CLASRP: variants seen among roughly 807,000 people sequenced by gnomAD.
The protein encoded by CLASRP is CLK4 associating serine/arginine rich protein.
Under a neutral mutation model 99.9 loss-of-function variants are expected in CLASRP, and 52 were observed. The ratio of observed to expected loss-of-function variants is 0.52; its 90% CI spans 0.42 to 0.66. The LOEUF (loss-of-function observed/expected upper bound fraction) is 0.66, where lower values mean the gene tolerates loss of function less well. CLASRP is among the 30% of genes least tolerant of loss of function. CLASRP has a pLI of 0.00. For missense variants in CLASRP, 848 were observed against 999.2 expected, an observed-to-expected ratio of 0.85 and a Z score of 2.04; for synonymous variants, 379 against 373.0, an observed-to-expected ratio of 1.02 and a Z score of -0.18.
At chr19:45,053,459 C>G (rs1330529966) in intron 5 of CLASRP, among the ~76,000 whole-genome samples, 1 of 152,078 alleles carries the variant, frequency 6.6e-6, no homozygotes, top group African/African-American at 2.4e-5. Flanking sequence ...GAGAAAATAG[C>G]AAGAATATGT....
chr19:45,068,989 CAAA>C (rs376538298), intron 16 of CLASRP, 74 bp from the exon 17 acceptor site: 1,803 of 1,067,754 alleles, frequency 1.7e-3, no homozygotes, highest in Non-Finnish European at 2.0e-3. Flanking sequence ...GACTCTGTCT[CAAA>C]AAAAAAAAAA....
intron 6 of CLASRP, 74 bp downstream of exon 6, chr19:45,056,608 C>G (rs1402017186): frequency 8.5e-7 from 1 of 1,182,390 alleles, no homozygotes; most frequent in Non-Finnish European, 1.3e-6. Context: ...ATGGCCTCTT[C>G]CATCCTGTCC....
intron 3 of CLASRP, 21 bp downstream of exon 3, chr19:45,052,189 A>G (rs1972036960): frequency 1.2e-6 from 2 of 1,606,010 alleles, no homozygotes; most frequent in Non-Finnish European, 1.7e-6. Context: ...TATGGAAGGC[A>G]GGGGAGTGTC....
At chr19:45,046,318 C>G (rs1568411675) in intron 2 of CLASRP, among the ~76,000 whole-genome samples, 1 of 152,160 alleles carries the variant, frequency 6.6e-6, no homozygotes, top group Non-Finnish European at 1.5e-5. Flanking sequence ...GTCTTCAGTC[C>G]CAAGCAGACT....
intron 5 of CLASRP, among the ~76,000 whole-genome samples, chr19:45,053,501 G>A (rs186973171): frequency 3.7e-4 from 56 of 152,084 alleles, no homozygotes; most frequent in African/African-American, 1.3e-3. Context: ...TATTTGAGGC[G>A]GAGTTTCGTT....
At chr19:45,048,636 T>C (rs2122544685) in intron 2 of CLASRP, among the ~76,000 whole-genome samples, 1 of 151,794 alleles carries the variant, frequency 6.6e-6, no homozygotes, top group South Asian at 2.1e-4. Context: ...ATTCCTAATG[T>C]CAGGCAGGTG....
At chr19:45,057,307 C>G (rs1310955792) in intron 6 of CLASRP, among the ~76,000 whole-genome samples, 1 of 152,174 alleles carries the variant, frequency 6.6e-6, no homozygotes, top group Non-Finnish European at 1.5e-5. Context: ...TCCCATGGGA[C>G]TGTACTGGGA....
At chr19:45,040,481 TTC>T (rs1717161842) in intron 2 of CLASRP, 170 bp downstream of exon 2, 1 of 535,666 alleles carries the variant, frequency 1.9e-6, no homozygotes, top group Non-Finnish European at 3.4e-6. Context: ...TCCCAAGGGC[TTC>T]TGTTTGTTGT....
chr19:45,070,868 G>A lies in CLASRP; in HGVS notation c.*23G>A. ...TAGGCAGAAGAGTGGGGGGTGGGGA[G>A]GACAAGGGGGTGGGTAAGGGGCTCA... On this transcript the variant is annotated 3_prime_UTR_variant, in exon 21 of 21. Transcript: ENST00000221455. The A allele has an allele frequency of 2.1e-6, 3 of 1,408,326 alleles. No individual in the cohort carries two copies. Among genetic ancestry groups the A allele is most frequent in the Non-Finnish European group, 3.0e-6 (3 of 1,003,444 alleles). The allele number at this position is 1,408,326 out of a possible 1,614,324, so 87.2% of individuals were successfully genotyped here. A position where few individuals can be genotyped will look rare whatever the true frequency, so the allele number is the denominator to read the frequency against.
At chr19:45,064,302 C>A in intron 12 of CLASRP, 41 bp from the exon 13 acceptor site, 2 of 1,508,730 alleles carry the variant, frequency 1.3e-6, no homozygotes, top group Admixed American at 2.1e-5. Flanking sequence ...GGGGCCGCGG[C>A]TCAGGCCTGC....
intron 11 of CLASRP, among the ~76,000 whole-genome samples, chr19:45,063,179 T>C (rs1056609977): frequency 6.6e-5 from 10 of 151,958 alleles, no homozygotes; most frequent in African/African-American, 2.4e-4. Context: ...GTTTTTTTTT[T>C]CTTTAAAATA....
chr19:45,057,931 G>A (rs1972152228), intron 7 of CLASRP, 33 bp downstream of exon 7: 1 of 1,612,080 alleles, frequency 6.2e-7, no homozygotes, highest in Non-Finnish European at 8.5e-7. Context: ...CCCACCTGCA[G>A]TCCCTGGGCA....
At position 45,069,247 on chromosome 19, in the gene CLASRP, A is replaced by C; in HGVS notation, c.1873A>C (p.Lys625Gln). The C allele has an allele frequency of 6.2e-7, 1 of 1,613,110 alleles. No individual in the cohort carries two copies. The highest frequency in any genetic ancestry group is 8.5e-7 in the Non-Finnish European group (1 of 1,179,966). ...LRAMARKIRM[K>Q]ERERREKERE... Reference sequence around the variant, plus strand: ...AGCCATGGCCCGCAAGATCCGCATGAAGTAAGACCTTGCCCCTCCCTGTCC... The same window carrying C: ...AGCCATGGCCCGCAAGATCCGCATGCAGTAAGACCTTGCCCCTCCCTGTCC... Residue 625 changes from lysine (K) to glutamine (Q), a missense_variant and splice_region_variant, in exon 18 of 21, where the codon AAG (lysine) becomes CAG (glutamine). By Grantham distance (53) the Lys-to-Gln change is moderately conservative. This residue lies in a region of CLASRP where 116 missense variants were observed against 162.7 expected (regional missense o/e 0.71). Transcript: ENST00000221455.
chr19:45,053,456 T>C (rs907992201), intron 5 of CLASRP, among the ~76,000 whole-genome samples: 2 of 151,994 alleles, frequency 1.3e-5, no homozygotes, highest in African/African-American at 2.4e-5. Flanking sequence ...ATAGAGAAAA[T>C]AGCAAGAATA....
chr19:45,040,458 A>G (rs892228842), intron 2 of CLASRP, 147 bp downstream of exon 2: 10 of 583,270 alleles, frequency 1.7e-5, no homozygotes, highest in African/African-American at 1.7e-4. Flanking sequence ...CTTGAGGATA[A>G]TCATTGGTGG....
intron 6 of CLASRP, 46 bp from the exon 7 acceptor site, chr19:45,057,704 C>T: frequency 6.2e-7 from 1 of 1,608,666 alleles, no homozygotes; most frequent in South Asian, 1.1e-5. Flanking sequence ...CTGGGGCCCT[C>T]ATCTCCACTG....
In CLASRP at chr19:45,067,358, C is replaced by A. The variant is rs764566449; in HGVS notation, c.1431C>A (p.Asp477Glu). ...RRSRSRSHSG[D>E]RYRRGGRGLR... Reference sequence around the variant, plus strand: ...CCAGGAGCCGCTCCCACTCAGGGGACCGCTACAGGCGGGGCGGCCGGGGCC... The same window carrying A: ...CCAGGAGCCGCTCCCACTCAGGGGAACGCTACAGGCGGGGCGGCCGGGGCC... The change falls in exon 14 of 21, where the codon GAC becomes GAA. Residue 477 changes from aspartate to glutamate, a missense_variant. This residue lies in a region of CLASRP where 489 missense variants were observed against 434.7 expected (regional missense o/e 1.12). Transcript: ENST00000221455. The surrounding 1 kb of genome is among the most constrained non-coding windows in gnomAD (Gnocchi z 4.9). 5.2e-4 allele frequency: 789 copies of A among 1,523,132 alleles called. No individual in the cohort carries two copies. Among genetic ancestry groups the A allele is most frequent in the Non-Finnish European group, 6.3e-4 (713 of 1,140,026 alleles). The allele number at this position is 1,523,132 out of a possible 1,614,324, so 94.4% of individuals were successfully genotyped here. A position where few individuals can be genotyped will look rare whatever the true frequency, so the allele number is the denominator to read the frequency against.
chr19:45,068,509 T>G (rs1188882043), intron 16 of CLASRP, 29 bp downstream of exon 16: 2 of 1,533,560 alleles, frequency 1.3e-6, no homozygotes, highest in South Asian at 1.1e-5. Flanking sequence ...CTCCAGGGTT[T>G]CACAGCTCTT....
At chr19:45,052,765 G>C in intron 3 of CLASRP, 26 bp from the exon 4 acceptor site, 1 of 1,566,002 alleles carries the variant, frequency 6.4e-7, no homozygotes, top group Non-Finnish European at 8.8e-7. Flanking sequence ...TGAGGTTCTT[G>C]CTTTCTTGCT....
Sources: gnomAD v4.1 joint callset for allele counts (sites outside exome capture counted in the v4.1 genomes callset) on GRCh38, gnomAD v4.1.1 for gene constraint, gnomAD v4.1.1 regional missense constraint, Gnocchi (gnomAD v3.1) non-coding constraint, MANE v1.5 for transcripts, NCBI Gene and HGNC (gene_info 2026-07-23, HGNC 2026-07-21) for gene names.